The following CBFA2T3 variants were observed in gnomAD, a reference collection of about 807,000 sequenced individuals.
CBFA2T3 encodes the protein transcriptional corepressor CBFA2T3.
A neutral mutation model predicts 58.6 loss-of-function variants in CBFA2T3; 31 were observed. The ratio of observed to expected loss-of-function variants is 0.53; its 90% CI spans 0.40 to 0.71. CBFA2T3 has a LOEUF of 0.71. Ranked by LOEUF, CBFA2T3 falls within the 30% of genes least tolerant of loss-of-function variation. The pLI is 0.00. For synonymous variants in CBFA2T3, 531 were observed against 421.9 expected (o/e 1.26, Z -3.17); for missense variants, 1,076 against 963.1 (o/e 1.12, Z -1.55).
intron 11 of CBFA2T3, among the ~76,000 whole-genome samples, chr16:88,877,759 G>A (rs1037758422): frequency 3.3e-5 from 5 of 152,102 alleles, no homozygotes; most frequent in South Asian, 2.1e-4. Flanking sequence ...CGTAGGGTGA[G>A]TTGTGCCCTA....
At chr16:88,892,573 A>G in intron 3 of CBFA2T3, 88 bp from the exon 4 acceptor site, 1 of 1,430,426 alleles carries the variant, frequency 7.0e-7, no homozygotes, top group Admixed American at 1.7e-5. Context: ...GCAGCGACTA[A>G]GGTGACAATG....
Position 88,876,585 on chromosome 16 carries a change from C to CAG in CBFA2T3, c.*390_*391insCT. 3.8e-6 allele frequency: 1 copy of CAG among 261,182 alleles called. No homozygotes were observed. The allele number at this position is 261,182 out of a possible 1,614,324, so 16.2% of individuals were successfully genotyped here. On this transcript the variant is annotated 3_prime_UTR_variant, in exon 12 of 12. Transcript: ENST00000268679. The stretch of plus-strand genomic sequence containing the variant: ...CATTGAAGAGAAAGTGTGTGATAGT[C>CAG]ATAGAGAGAGAGAGGATAGAGAAGA...
In CBFA2T3 at chr16:88,936,017, G is replaced by C. The variant is rs148259109; in HGVS notation, c.152-34361C>G. 5.2e-3 allele frequency among the ~76,000 whole-genome samples: 799 copies of C among 152,300 alleles called. 3 individuals are homozygous for C. The highest frequency in any genetic ancestry group is 0.023 in the East Asian group (118 of 5,174). ...GCTGCCTCCGGGAACAGGGCAGGGG[G>C]CTGCAGTCACCCCTGGCCCTCGTGG... is the stretch of plus-strand genomic sequence containing the variant. On this transcript the variant is annotated intron_variant, in intron 1 of 11. Coordinates refer to ENST00000268679, the MANE Select transcript of CBFA2T3 (RefSeq NM_005187.6).
intron 1 of CBFA2T3, among the ~76,000 whole-genome samples, chr16:88,934,360 C>A (rs926020474): frequency 6.6e-6 from 1 of 152,280 alleles, no homozygotes; most frequent in Admixed American, 6.5e-5. Context: ...GCTCCCAGGT[C>A]CCCTGTTGGA....
chr16:88,930,974 G>A (rs1971281073), intron 1 of CBFA2T3, among the ~76,000 whole-genome samples: 1 of 151,976 alleles, frequency 6.6e-6, no homozygotes, highest in Non-Finnish European at 1.5e-5. Flanking sequence ...CTACTGAAGT[G>A]ACACTATAAC....
chr16:88,903,680 GGGGGCATTCCT>G (rs1970190906), intron 1 of CBFA2T3, among the ~76,000 whole-genome samples: 1 of 125,108 alleles, frequency 8.0e-6, no homozygotes, highest in African/African-American at 3.1e-5. Context: ...GCGTTCCTGG[GGGGGCATTCCT>G]GGGGGGGGCG....
intron 1 of CBFA2T3, among the ~76,000 whole-genome samples, chr16:88,923,292 C>T (rs536986307): frequency 5.9e-5 from 9 of 152,330 alleles, no homozygotes; most frequent in South Asian, 2.1e-4. Flanking sequence ...CCTCATCGCA[C>T]AGAGGAGGTG....
intron 1 of CBFA2T3, among the ~76,000 whole-genome samples, chr16:88,935,304 T>G (rs1028884190): frequency 2.0e-5 from 3 of 152,118 alleles, no homozygotes; most frequent in Non-Finnish European, 4.4e-5. Flanking sequence ...GGAGCCCTGG[T>G]GTGGTGGCCA....
At chr16:88,894,864 A>G (rs958102898) in intron 3 of CBFA2T3, among the ~76,000 whole-genome samples, 1 of 152,242 alleles carries the variant, frequency 6.6e-6, no homozygotes, top group African/African-American at 2.4e-5. Flanking sequence ...CCCTTTCTAC[A>G]GGATGGAGAC....
At chr16:88,922,391 C>T (rs1259876666) in intron 1 of CBFA2T3, among the ~76,000 whole-genome samples, 2 of 152,234 alleles carry the variant, frequency 1.3e-5, no homozygotes, top group African/African-American at 4.8e-5. Flanking sequence ...ATTGAGGGGG[C>T]CGAGGGCTTC....
intron 5 of CBFA2T3, among the ~76,000 whole-genome samples, chr16:88,889,205 C>A (rs1016685221): frequency 1.3e-5 from 2 of 151,326 alleles, no homozygotes; most frequent in African/African-American, 2.4e-5. Context: ...TGGGCCCAGG[C>A]TCCTGCCACT....
chr16:88,877,594 C>T (rs1968887729), intron 11 of CBFA2T3, among the ~76,000 whole-genome samples: 2 of 152,212 alleles, frequency 1.3e-5, no homozygotes, highest in South Asian at 2.1e-4. Flanking sequence ...AACCAAAGGG[C>T]GTGGCCCCGG....
intron 1 of CBFA2T3, among the ~76,000 whole-genome samples, chr16:88,919,679 GGACCCC>G (rs1970849065): frequency 6.6e-6 from 1 of 152,146 alleles, no homozygotes; most frequent in African/African-American, 2.4e-5. Context: ...TCCCCGGGCG[GGACCCC>G]AGTTACTTCT....
chr16:88,918,768 C>T (rs902330026), intron 1 of CBFA2T3, among the ~76,000 whole-genome samples: 6 of 152,188 alleles, frequency 3.9e-5, no homozygotes, highest in East Asian at 1.9e-4. Context: ...TGGCCCAGCC[C>T]GGCCTCCCAC....
chr16:88,929,355 G>T (rs537056594), intron 1 of CBFA2T3, among the ~76,000 whole-genome samples: 68 of 152,216 alleles, frequency 4.5e-4, no homozygotes, highest in African/African-American at 1.3e-3. Flanking sequence ...ACGGGCCTGC[G>T]GGAGGACCCG....
intron 1 of CBFA2T3, among the ~76,000 whole-genome samples, chr16:88,922,817 G>A (rs1173560900): frequency 1.3e-5 from 2 of 152,214 alleles, no homozygotes; most frequent in Non-Finnish European, 2.9e-5. Context: ...GGTTTCACAT[G>A]GCCAACAAAA....
intron 1 of CBFA2T3, among the ~76,000 whole-genome samples, chr16:88,927,041 T>C (rs1046641699): frequency 6.6e-6 from 1 of 152,180 alleles, no homozygotes; most frequent in Non-Finnish European, 1.5e-5. Flanking sequence ...CACGTCCCTT[T>C]ACCAGAGAAG....
Position 88,891,862 on chromosome 16 carries a change from G to C in CBFA2T3, c.711+20C>G, listed in dbSNP as rs367989405. Reference sequence around the variant, plus strand: ...CTTCTAGGGAGGCTCCCGCAGCACGGGGGACGGGTTTCGCATTACCTTCAG... The same window carrying C: ...CTTCTAGGGAGGCTCCCGCAGCACGCGGGACGGGTTTCGCATTACCTTCAG... On this transcript the variant is annotated intron_variant, in intron 5 of 11. Transcript: ENST00000268679. 7.0e-6 allele frequency: 11 copies of C among 1,576,102 alleles called. No individual in the cohort carries two copies. Among genetic ancestry groups the C allele is most frequent in the Admixed American group, 1.7e-5 (1 of 59,744 alleles).
intron 1 of CBFA2T3, chr16:88,950,911 T>C (rs1972051337): frequency 2.7e-6 from 1 of 376,570 alleles, no homozygotes; most frequent in Non-Finnish European, 5.1e-6. Flanking sequence ...GGTCAGAGTG[T>C]TGGCACCTGT....
Sources: gnomAD v4.1 joint callset for allele counts (sites outside exome capture counted in the v4.1 genomes callset) on GRCh38, gnomAD v4.1.1 for gene constraint, MANE v1.5 for transcripts, NCBI Gene and HGNC (gene_info 2026-07-23, HGNC 2026-07-21) for gene names.